The following PLAUR variants were observed in gnomAD, a reference collection of about 807,000 sequenced individuals.
The protein encoded by PLAUR is plasminogen activator, urokinase receptor.
Under a neutral mutation model 33.4 loss-of-function variants are expected in PLAUR, and 22 were observed. The ratio of observed to expected loss-of-function variants is 0.66; its 90% CI spans 0.47 to 0.94. The LOEUF (loss-of-function observed/expected upper bound fraction) is 0.94, where lower values mean the gene tolerates loss of function less well. PLAUR is among the 40% of genes least tolerant of loss of function. The pLI, the probability that PLAUR is intolerant of heterozygous loss-of-function variation, is 0.00. For synonymous variants in PLAUR, 148 were observed against 167.3 expected (o/e 0.88, Z 0.89); for missense variants, 408 against 434.7 (o/e 0.94, Z 0.55).
Position 43,665,326 on chromosome 19 carries a change from C to G in PLAUR, c.300G>C (p.Gln100His). The G allele has an allele frequency of 6.2e-7, 1 of 1,613,980 alleles. No individual in the cohort carries two copies. Among genetic ancestry groups the G allele is most frequent in the East Asian group, 2.2e-5 (1 of 44,850 alleles). Residue 100 changes from glutamine to histidine, a missense_variant, in exon 3 of 7, where the codon CAG becomes CAC. Gln to His is a conservative substitution (Grantham distance 24). Coordinates refer to ENST00000340093, the MANE Select transcript of PLAUR (RefSeq NM_002659.4). ...GGCTGCCCTACTCACCAGAGTTGCC[C>G]TGGTTGCACAAGTCTAACCCACACA... Reference protein sequence around the residue: ...EVVCGLDLCNQGNSGRAVTYS... With the variant: ...EVVCGLDLCNHGNSGRAVTYS...
chr19:43,652,225 C>T lies in PLAUR; in HGVS notation c.754G>A (p.Glu252Lys), dbSNP rs757884538. The change falls in exon 6 of 7, where the codon GAA becomes AAA. Residue 252 changes from glutamate (E) to lysine (K), a missense_variant and splice_region_variant. Physicochemically the swap from Glu to Lys is moderately conservative, Grantham distance 56. Transcript: ENST00000340093. Reference protein sequence around the residue: ...NQCLVATGTHEPKNQSYMVRG... With the variant: ...NQCLVATGTHKPKNQSYMVRG... ...CTCCCAGCCTCGGAGAGGGCCTCAC[C>T]GTGAGTGCCGGTGGCTACCAGACAT... 34 of 1,613,892 alleles carry T rather than the reference C, an allele frequency of 2.1e-5. No homozygotes were observed. The East Asian group carries it at 2.5e-4, about 12-fold the overall frequency.
At chr19:43,658,863 T>C (rs987203289) in intron 3 of PLAUR, among the ~76,000 whole-genome samples, 5 of 152,188 alleles carry the variant, frequency 3.3e-5, no homozygotes, top group Non-Finnish European at 5.9e-5. Context: ...CAAACTTCCA[T>C]GAAAATGAAA....
chr19:43,665,932 G>A (rs1294607723), intron 2 of PLAUR, among the ~76,000 whole-genome samples: 1 of 151,588 alleles, frequency 6.6e-6, no homozygotes, highest in East Asian at 2.0e-4. Context: ...CCAAAGTGCT[G>A]GAATTACAGG....
chr19:43,649,801 C>T (rs904430560), intron 6 of PLAUR, among the ~76,000 whole-genome samples: 1 of 151,944 alleles, frequency 6.6e-6, no homozygotes, highest in African/African-American at 2.4e-5. Context: ...GGCTCAGGGA[C>T]CCCAGAGACC....
intron 5 of PLAUR, 77 bp from the exon 6 acceptor site, chr19:43,652,448 G>A (rs2302525): frequency 0.059 from 83,089 of 1,401,258 alleles, 3,405 homozygotes; most frequent in South Asian, 0.16. Flanking sequence ...ACCTCCCCAG[G>A]ACTTCCACTC....
rs3052823 is a variant in PLAUR at position 43,659,167 on chromosome 19, C to CT, written c.311-2528dup. On this transcript the variant is annotated intron_variant, in intron 3 of 6. Coordinates refer to ENST00000340093, the MANE Select transcript of PLAUR (RefSeq NM_002659.4). ...GCTATTTTCCTTTTTCTTTTCTTTTCTTTTTTTTTTTTTTTGAGATAGGGT... is the reference window on the plus strand; with the variant it reads ...GCTATTTTCCTTTTTCTTTTCTTTTCTTTTTTTTTTTTTTTTGAGATAGGGT... Among the ~76,000 whole-genome samples the CT allele has an allele frequency of 1.5e-4, 15 of 97,140 alleles. 1 individual carries two copies. Among genetic ancestry groups the CT allele is most frequent in the Admixed American group, 4.2e-4 (3 of 7,072 alleles). The allele number at this position is 97,140 out of a possible 152,430, so 63.7% of individuals were successfully genotyped here. A position where few individuals can be genotyped will look rare whatever the true frequency, so the allele number is the denominator to read the frequency against.
At chr19:43,658,680 C>T (rs1171952466) in intron 3 of PLAUR, among the ~76,000 whole-genome samples, 1 of 152,110 alleles carries the variant, frequency 6.6e-6, no homozygotes, top group Non-Finnish European at 1.5e-5. Context: ...CGTCCTGACC[C>T]AAGACACATC....
chr19:43,655,494 G>A lies in PLAUR; in HGVS notation c.552C>T (p.Asn184=), dbSNP rs185410894. The part of the protein sequence containing the change: ...GCPGSNGFHN[N]DTFHFLKCCN... ...AGCATTTCAGGAAGTGGAAGGTGTC[G>A]TTGTTGTGGAAACCATTGGAGCCCG... Residue 184 remains asparagine, a synonymous_variant, in exon 5 of 7, where the codon AAC becomes AAT. Transcript: ENST00000340093. 2.1e-5 allele frequency: 34 copies of A among 1,614,200 alleles called. No individual in the cohort carries two copies. The highest frequency in any genetic ancestry group is 2.3e-5 in the Non-Finnish European group (27 of 1,180,030).
intron 5 of PLAUR, among the ~76,000 whole-genome samples, chr19:43,654,310 A>G (rs1206882485): frequency 1.3e-5 from 2 of 151,610 alleles, no homozygotes; most frequent in East Asian, 3.9e-4. Flanking sequence ...ACAAAACCCC[A>G]AAAACGAATC....
chr19:43,666,851 G>A (rs903606672), intron 2 of PLAUR, among the ~76,000 whole-genome samples: 1 of 150,724 alleles, frequency 6.6e-6, no homozygotes, highest in Non-Finnish European at 1.5e-5. Flanking sequence ...TTACAGGTGT[G>A]AGCCACCATG....
downstream of PLAUR, chr19:43,646,315 G>A (rs1339515841): frequency 3.3e-6 from 2 of 606,606 alleles, no homozygotes; most frequent in Non-Finnish European, 6.0e-6. Context: ...GCAGCCCTAG[G>A]AAACTAATAT....
At chr19:43,649,404 GA>G (rs1031005526) in intron 6 of PLAUR, among the ~76,000 whole-genome samples, 1 of 151,750 alleles carries the variant, frequency 6.6e-6, no homozygotes, top group African/African-American at 2.4e-5. Context: ...ACATAAAAAA[GA>G]AAAAAACAGC....
chr19:43,664,923 C>T (rs1967162924), intron 3 of PLAUR, among the ~76,000 whole-genome samples: 1 of 152,140 alleles, frequency 6.6e-6, no homozygotes, highest in African/African-American at 2.4e-5. Flanking sequence ...AACAACCATA[C>T]ATACAAACAT....
In PLAUR at chr19:43,655,519, G is replaced by C; in HGVS notation, c.527C>G (p.Pro176Arg). Residue 176 changes from proline (P) to arginine (R), a missense_variant, in exon 5 of 7, where the codon CCG becomes CGG. Physicochemically the swap from Pro to Arg is moderately radical, Grantham distance 103 (BLOSUM62 -2). Transcript: ENST00000340093. ...GTTGTTGTGGAAACCATTGGAGCCC[G>C]GGCAGCCGGGAAGGTAGCCACAGCC... ...LRGCGYLPGC[P>R]GSNGFHNNDT... The C allele has an allele frequency of 6.2e-7, 1 of 1,614,166 alleles. No homozygotes were observed. The highest frequency in any genetic ancestry group is 8.5e-7 in the Non-Finnish European group (1 of 1,180,010).
Position 43,655,160 on chromosome 19 carries a change from C to T in PLAUR, c.607+279G>A, listed in dbSNP as rs4251888. On this transcript the variant is annotated intron_variant, in intron 5 of 6. Coordinates refer to ENST00000340093, the MANE Select transcript of PLAUR (RefSeq NM_002659.4). ...GGGGTGATGGTGGGCACCTGTAATC[C>T]CAGCTACTCAGGAGGCTGAAGCAGG... Among the ~76,000 whole-genome samples, 801 of 151,704 alleles carry T rather than the reference C, an allele frequency of 5.3e-3. 8 individuals are homozygous for T. The highest frequency in any genetic ancestry group is 0.019 in the African/African-American group (766 of 41,326).
At chr19:43,657,677 C>G (rs1276412636) in intron 3 of PLAUR, among the ~76,000 whole-genome samples, 1 of 152,220 alleles carries the variant, frequency 6.6e-6, no homozygotes, top group Admixed American at 6.6e-5. Flanking sequence ...ACAGGTATGT[C>G]TCCTCTACTG....
At chr19:43,648,325 G>A (rs1044346481), downstream of PLAUR, among the ~76,000 whole-genome samples, 11 of 152,152 alleles carry the variant, frequency 7.2e-5, no homozygotes, top group Middle Eastern at 3.4e-3. Context: ...ACAGGCACCC[G>A]CCACCACGTC....
At chr19:43,650,569 G>A (rs939724544) in intron 6 of PLAUR, among the ~76,000 whole-genome samples, 8 of 151,926 alleles carry the variant, frequency 5.3e-5, no homozygotes, top group African/African-American at 1.2e-4. Flanking sequence ...TAAGTGACCC[G>A]CCCACCTTGG....
intron 5 of PLAUR, among the ~76,000 whole-genome samples, chr19:43,655,234 G>A (rs969002111): frequency 7.7e-6 from 1 of 129,722 alleles, no homozygotes; most frequent in Non-Finnish European, 1.5e-5. Context: ...CGGAGATCAC[G>A]CCATTGCACT....
Sources: allele counts gnomAD v4.1 joint callset (sites outside exome capture counted in the v4.1 genomes callset), GRCh38; gene constraint gnomAD v4.1.1; transcripts MANE v1.5; gene names NCBI Gene and HGNC (gene_info 2026-07-23, HGNC 2026-07-21).